SMS: variants seen among roughly 807,000 people sequenced by gnomAD.
The protein encoded by SMS is spermine synthase.
SMS carries 3 observed loss-of-function variants against 33.0 expected under a neutral mutation model. The observed-to-expected ratio is 0.09, with a 90% CI of 0.04 to 0.23. SMS has a LOEUF of 0.23. Ranked by LOEUF, SMS falls within the 10% of genes least tolerant of loss-of-function variation. The probability of loss-of-function intolerance (pLI) is 1.00; values close to 1 mark genes in which losing one functional copy is unlikely to be tolerated. For missense variants in SMS, 117 were observed against 288.6 expected (o/e 0.41, Z 4.31); for synonymous variants, 103 against 112.2 (o/e 0.92, Z 0.52).
chrX:21,984,264 A>G (rs768825225), intron 7 of SMS, 40 bp from the exon 8 acceptor site: 2 of 830,356 alleles, frequency 2.4e-6, no homozygotes, highest in African/African-American at 2.0e-5. Context: ...AACTACATCC[A>G]CATGTTGGCT....
intron 9 of SMS, among the ~76,000 whole-genome samples, chrX:21,987,867 G>A (rs1925462182): frequency 8.9e-6 from 1 of 112,239 alleles, no homozygotes; most frequent in African/African-American, 3.2e-5. Context: ...TATTGGCATG[G>A]CAGGCTGCCT....
intron 2 of SMS, among the ~76,000 whole-genome samples, chrX:21,967,689 A>C (rs906059375): frequency 2.7e-5 from 3 of 111,941 alleles, no homozygotes; most frequent in African/African-American, 9.8e-5. Flanking sequence ...ATAGTTCATG[A>C]GGTAGATGAG....
chrX:21,942,705 T>G (rs890949651), intron 1 of SMS, among the ~76,000 whole-genome samples: 37 of 110,934 alleles, frequency 3.3e-4, no homozygotes, highest in Middle Eastern at 4.6e-3. Flanking sequence ...CATACTGAAT[T>G]TAGCGGTGAG....
At chrX:21,985,802 G>T (rs1009660894) in intron 9 of SMS, among the ~76,000 whole-genome samples, 2 of 111,090 alleles carry the variant, frequency 1.8e-5, no homozygotes, top group Admixed American at 1.9e-4. Context: ...AATCCCCTCC[G>T]CCATTTTTTA....
intron 9 of SMS, 60 bp from the exon 10 acceptor site, chrX:21,992,537 G>A: frequency 1.5e-6 from 1 of 676,486 alleles, no homozygotes; most frequent in Non-Finnish European, 2.4e-6. Context: ...AAGACCTTCA[G>A]ATGAGTGGGG....
At chrX:21,947,758 A>G (rs1375418476) in intron 1 of SMS, among the ~76,000 whole-genome samples, 6 of 111,568 alleles carry the variant, frequency 5.4e-5, no homozygotes. Flanking sequence ...TAAACTCTGT[A>G]TCAACACATA....
intron 1 of SMS, among the ~76,000 whole-genome samples, chrX:21,961,132 T>G (rs1376119996): frequency 9.5e-6 from 1 of 105,019 alleles, no homozygotes; most frequent in Non-Finnish European, 1.9e-5. Flanking sequence ...TAATCTACTT[T>G]ATGCACATGG....
At chrX:21,992,734 C>G (rs921059947) in intron 10 of SMS, 22 bp downstream of exon 10, 1 of 962,669 alleles carries the variant, frequency 1.0e-6, no homozygotes, top group Non-Finnish European at 1.5e-6. Context: ...CCGTGACATT[C>G]TGTTGCCAGA....
intron 9 of SMS, among the ~76,000 whole-genome samples, chrX:21,986,347 CAAAAAAAAAAAAAAA>C (rs57792709): frequency 3.0e-5 from 1 of 33,223 alleles, no homozygotes; most frequent in African/African-American, 1.3e-4. Context: ...GACTACATCT[CAAAAAAAAAAAAAAA>C]AAAAAAAAAA....
chrX:21,968,491 T>A lies in SMS; in HGVS notation c.170+1175T>A, dbSNP rs748084494. On this transcript the variant is annotated intron_variant, in intron 2 of 10. Transcript: ENST00000404933. The stretch of plus-strand genomic sequence containing the variant: ...GCAATGATCTCCTGGGCCCCTACCG[T>A]AAGAGTTCTTGAAGCAATAAGTGGA... 4.5e-5 allele frequency among the ~76,000 whole-genome samples: 5 copies of A among 111,720 alleles called. No individual in the cohort carries two copies. The South Asian group carries it at 1.9e-3, about 42-fold the overall frequency.
intron 7 of SMS, among the ~76,000 whole-genome samples, chrX:21,982,436 T>C (rs1026028888): frequency 4.1e-4 from 45 of 110,745 alleles, no homozygotes; most frequent in Non-Finnish European, 7.2e-4. Flanking sequence ...CAAAATTTAG[T>C]AGAGGGGCAA....
intron 1 of SMS, among the ~76,000 whole-genome samples, chrX:21,962,988 G>A (rs770757290): frequency 1.8e-5 from 2 of 111,509 alleles, no homozygotes; most frequent in South Asian, 7.6e-4. Context: ...AGCTAGGATT[G>A]TAAACCACTG....
chrX:21,965,679 C>T (rs993112991), intron 1 of SMS, among the ~76,000 whole-genome samples: 6 of 107,101 alleles, frequency 5.6e-5, no homozygotes, highest in Non-Finnish European at 9.6e-5. Context: ...ACCTGGAAGG[C>T]GGAGCTTGCA....
chrX:21,989,867 C>G (rs1026543869), intron 9 of SMS, among the ~76,000 whole-genome samples: 1 of 110,647 alleles, frequency 9.0e-6, no homozygotes, highest in African/African-American at 3.3e-5. Flanking sequence ...CTCAGCCTTC[C>G]GAGTAGCTGG....
At chrX:21,982,467 G>A (rs1220132893) in intron 7 of SMS, among the ~76,000 whole-genome samples, 1 of 111,938 alleles carries the variant, frequency 8.9e-6, no homozygotes, top group African/African-American at 3.2e-5. Flanking sequence ...TGGGGAGGTT[G>A]TGGGGAGACA....
chrX:21,965,515 C>T (rs779234935), intron 1 of SMS, among the ~76,000 whole-genome samples: 22 of 99,041 alleles, frequency 2.2e-4, no homozygotes, highest in African/African-American at 6.7e-4. Flanking sequence ...CCGGGCGCGG[C>T]GGATCACAAG....
chrX:21,955,127 C>T (rs755929649), intron 1 of SMS, among the ~76,000 whole-genome samples: 3 of 112,020 alleles, frequency 2.7e-5, no homozygotes, highest in African/African-American at 3.2e-5. Context: ...TGAGCCACTG[C>T]GCCCGGCCTT....
intron 1 of SMS, among the ~76,000 whole-genome samples, chrX:21,966,766 A>G (rs1290518273): frequency 8.9e-6 from 1 of 112,228 alleles, no homozygotes; most frequent in African/African-American, 3.2e-5. Flanking sequence ...TCCCCTTTCT[A>G]GTACCATGTG....
Position 21,944,724 on chromosome X carries a change from TC to T in SMS, c.49+3854del, listed in dbSNP as rs770604466. 5.8e-4 allele frequency among the ~76,000 whole-genome samples: 63 copies of T among 109,180 alleles called. No individual in the cohort carries two copies. The Middle Eastern group carries it at 0.014, about 24-fold the overall frequency. The allele number at this position is 109,180 out of a possible 115,157, so 94.8% of individuals were successfully genotyped here. A position where few individuals can be genotyped will look rare whatever the true frequency, so the allele number is the denominator to read the frequency against. ...CAGGCGTAGTGGCTCATGCCTGTAA[TC>T]CCAGCACTTTGGGAGGCTGAGGTGG... On this transcript the variant is annotated intron_variant, in intron 1 of 10. Coordinates refer to ENST00000404933, the MANE Select transcript of SMS (RefSeq NM_004595.5).
Sources: gnomAD v4.1 joint callset for allele counts (sites outside exome capture counted in the v4.1 genomes callset) on GRCh38, gnomAD v4.1.1 for gene constraint, MANE v1.5 for transcripts, NCBI Gene and HGNC (gene_info 2026-07-23, HGNC 2026-07-21) for gene names.